RAB40C: variants seen among roughly 807,000 people sequenced by gnomAD.
The protein encoded by RAB40C is RAB40C, member RAS oncogene family, also known as ras-related protein Rab-40C.
In RAB40C, 8 loss-of-function variants were observed where a neutral mutation model predicts 28.1. The observed-to-expected ratio is 0.28, with a 90% CI of 0.17 to 0.51. The LOEUF is 0.51. Ranked by LOEUF, RAB40C falls within the 20% of genes least tolerant of loss-of-function variation. RAB40C has a pLI of 0.97. For missense variants in RAB40C, 288 were observed against 405.9 expected, an observed-to-expected ratio of 0.71 and a Z score of 2.50; for synonymous variants, 201 against 171.7, an observed-to-expected ratio of 1.17 and a Z score of -1.34.
chr16:594,545 C>T (rs1473528789), intron 1 of RAB40C, among the ~76,000 whole-genome samples: 2 of 152,198 alleles, frequency 1.3e-5, no homozygotes, highest in African/African-American at 4.8e-5. Context: ...CGTTTCTTCT[C>T]ATCTGGCTTG....
In RAB40C at chr16:627,714, A is replaced by T. The variant is rs907199755; in HGVS notation, c.*92A>T. ...CCAGGCCAGTGCCGCCTACGTGGAG[A>T]CTGTCCACACAGCTGCCTCAGAAGC... is the stretch of plus-strand genomic sequence containing the variant. On this transcript the variant is annotated 3_prime_UTR_variant, in exon 6 of 6. Coordinates refer to ENST00000248139, the MANE Select transcript of RAB40C (RefSeq NM_021168.5). 4 of 1,402,458 alleles carry T rather than the reference A, an allele frequency of 2.9e-6. No homozygotes were observed. The highest frequency in any genetic ancestry group is 4.5e-4 in the Middle Eastern group (2 of 4,426). 86.9% of individuals were successfully genotyped at this position (1,402,458 alleles called of 1,614,324 possible). A position where few individuals can be genotyped will look rare whatever the true frequency, so the allele number is the denominator to read the frequency against.
Position 590,179 on chromosome 16 carries a change from C to G in RAB40C, c.-113C>G, listed in dbSNP as rs1029602516. The G allele has an allele frequency of 1.3e-6, 1 of 788,180 alleles. No individual in the cohort carries two copies. The highest frequency in any genetic ancestry group is 1.9e-5 in the African/African-American group (1 of 52,624). The allele number at this position is 788,180 out of a possible 1,614,324, so 48.8% of individuals were successfully genotyped here. A position where few individuals can be genotyped will look rare whatever the true frequency, so the allele number is the denominator to read the frequency against. On this transcript the variant is annotated 5_prime_UTR_variant, in exon 1 of 6. Coordinates refer to ENST00000248139, the MANE Select transcript of RAB40C (RefSeq NM_021168.5). ...TGGGCTTCGGGCGCGCCCACTCGGCCGCCGTGGGGCGGACGCAACGGGCGC... is the reference window on the plus strand; with the variant it reads ...TGGGCTTCGGGCGCGCCCACTCGGCGGCCGTGGGGCGGACGCAACGGGCGC...
intron 1 of RAB40C, among the ~76,000 whole-genome samples, chr16:594,173 T>C (rs188057499): frequency 6.8e-4 from 103 of 152,348 alleles, no homozygotes; most frequent in African/African-American, 2.0e-3. Flanking sequence ...GGAGCAAGTT[T>C]TCCTCCCGCC....
rs765675659 is a variant in RAB40C at position 590,432 on chromosome 16, C to T, written c.141C>T (p.Asn47=). Residue 47 remains asparagine (N), a splice_region_variant and synonymous_variant, in exon 1 of 6, where the codon AAC becomes AAT. Transcript: ENST00000248139. ...CAGAGTCCCCGTACGCCTACAGTAA[C>T]GGTAAGGCCCGGCCCGCGGCGCGCG... is the stretch of plus-strand genomic sequence containing the variant. ...GAAESPYAYS[N]GIDYKTTTIL... 1 of 1,583,998 alleles carries T rather than the reference C, an allele frequency of 6.3e-7. No individual in the cohort carries two copies. The highest frequency in any genetic ancestry group is 1.1e-5 in the South Asian group (1 of 87,892).
chr16:596,414 G>A (rs2036126020), intron 1 of RAB40C: 2 of 449,688 alleles, frequency 4.4e-6, no homozygotes, highest in Non-Finnish European at 9.0e-6. Flanking sequence ...GGAAGGGGTT[G>A]CATCACAGCT....
At chr16:624,957 T>G in intron 3 of RAB40C, 1 of 1,289,136 alleles carries the variant, frequency 7.8e-7, no homozygotes. Context: ...CTGGGGGAGC[T>G]TCACAGAAAC....
At chr16:620,829 A>AC (rs992621816) in intron 3 of RAB40C, among the ~76,000 whole-genome samples, 4 of 48,546 alleles carry the variant, frequency 8.2e-5, no homozygotes, top group South Asian at 8.6e-4. Context: ...CATCCCAGCC[A>AC]CCCCCCCCGA....
At chr16:615,689 C>T (rs890923626) in intron 1 of RAB40C, among the ~76,000 whole-genome samples, 6 of 152,154 alleles carry the variant, frequency 3.9e-5, no homozygotes, top group Non-Finnish European at 7.3e-5. Flanking sequence ...GGGCCGGGCA[C>T]GGTGGCTCAC....
At chr16:592,517 G>A (rs1206787132) in intron 1 of RAB40C, among the ~76,000 whole-genome samples, 3 of 152,172 alleles carry the variant, frequency 2.0e-5, no homozygotes, top group Admixed American at 6.5e-5. Context: ...GGGCTCACAC[G>A]TTAGGCCCCT....
rs564553980 is a variant in RAB40C at position 623,989 on chromosome 16, T to A, written c.265-1443T>A. The A allele has an allele frequency of 1.1e-5, 11 of 985,406 alleles. No homozygotes were observed. In the African/African-American group the frequency reaches 1.6e-4, roughly 14 times the overall value. The allele number at this position is 985,406 out of a possible 1,614,324, so 61.0% of individuals were successfully genotyped here. A position where few individuals can be genotyped will look rare whatever the true frequency, so the allele number is the denominator to read the frequency against. ...CTGGGACCTGCGTTCTTACCTCACCTGGGTTGCACATCTCTCCTTGGCCAG... is the reference window on the plus strand; with the variant it reads ...CTGGGACCTGCGTTCTTACCTCACCAGGGTTGCACATCTCTCCTTGGCCAG... On this transcript the variant is annotated intron_variant, in intron 3 of 5. Coordinates refer to ENST00000248139, the MANE Select transcript of RAB40C (RefSeq NM_021168.5).
intron 1 of RAB40C, among the ~76,000 whole-genome samples, chr16:606,878 C>T (rs937851816): frequency 3.3e-5 from 5 of 152,194 alleles, no homozygotes; most frequent in East Asian, 1.9e-4. Flanking sequence ...TCTCCCACCT[C>T]GAGATCCGTG....
At chr16:625,588 C>A in intron 4 of RAB40C, 79 bp downstream of exon 4, 1 of 1,425,994 alleles carries the variant, frequency 7.0e-7, no homozygotes, top group Non-Finnish European at 9.8e-7. Flanking sequence ...GCTCTGGATT[C>A]CCGCCTGCCG....
chr16:618,110 G>A, intron 2 of RAB40C, 90 bp from the exon 3 acceptor site: 1 of 1,297,808 alleles, frequency 7.7e-7, no homozygotes, highest in East Asian at 2.4e-5. Context: ...GCTCCCCTCA[G>A]GACATCCAGG....
chr16:607,220 G>A (rs2036378221), intron 1 of RAB40C, among the ~76,000 whole-genome samples: 1 of 152,210 alleles, frequency 6.6e-6, no homozygotes, highest in Admixed American at 6.5e-5. Flanking sequence ...AAGTCGCCTG[G>A]GCACGGTGGC....
rs36085126 is a variant in RAB40C at position 596,905 on chromosome 16, C to T, written c.142+6472C>T. ...GCCGACCTGGGGATGGCGGCGCACT[C>T]TGATACAGGCAGTGCGCGGCTGTCT... On this transcript the variant is annotated intron_variant, in intron 1 of 5. Coordinates refer to ENST00000248139, the MANE Select transcript of RAB40C (RefSeq NM_021168.5). Among the ~76,000 whole-genome samples the T allele has an allele frequency of 5.5e-3, 838 of 152,316 alleles. 8 individuals carry two copies. Among genetic ancestry groups the T allele is most frequent in the Non-Finnish European group, 7.1e-3 (480 of 68,026 alleles).
chr16:591,227 G>A (rs1424283060), intron 1 of RAB40C, among the ~76,000 whole-genome samples: 1 of 149,394 alleles, frequency 6.7e-6, no homozygotes, highest in Non-Finnish European at 1.5e-5. Context: ...TCAGGGGAAG[G>A]TGTCATGGGT....
chr16:618,100 G>C, intron 2 of RAB40C, 100 bp from the exon 3 acceptor site: 3 of 1,161,316 alleles, frequency 2.6e-6, no homozygotes, highest in Non-Finnish European at 3.8e-6. Flanking sequence ...TGGCCGCCCC[G>C]CTCCCCTCAG....
At chr16:596,287 A>G (rs888135748) in intron 1 of RAB40C, 7 of 455,978 alleles carry the variant, frequency 1.5e-5, no homozygotes, top group Non-Finnish European at 3.1e-5. Flanking sequence ...GGGTCCTCGC[A>G]GGTACTTTTG....
intron 3 of RAB40C, among the ~76,000 whole-genome samples, chr16:619,211 G>A (rs1238242686): frequency 1.3e-5 from 2 of 150,866 alleles, no homozygotes; most frequent in South Asian, 2.1e-4. Flanking sequence ...CCATGTGTGT[G>A]TGCAGGCATG....
Sources: allele counts gnomAD v4.1 joint callset (sites outside exome capture counted in the v4.1 genomes callset), GRCh38; gene constraint gnomAD v4.1.1; transcripts MANE v1.5; gene names NCBI Gene and HGNC (gene_info 2026-07-23, HGNC 2026-07-21).